The following FOCAD variants were observed in gnomAD, a reference collection of about 807,000 sequenced individuals.
The protein encoded by FOCAD is focadhesin.
A neutral mutation model predicts 225.6 loss-of-function variants in FOCAD; 198 were observed. The observed-to-expected ratio is 0.88, with a 90% CI of 0.78 to 0.99. FOCAD has a LOEUF of 0.99. FOCAD is among the 50% of genes least tolerant of loss of function. The probability of loss-of-function intolerance (pLI) is 0.00; values close to 1 mark genes in which losing one functional copy is unlikely to be tolerated. For synonymous variants in FOCAD, 897 were observed against 755.0 expected (o/e 1.19, Z -3.08); for missense variants, 2,713 against 2,123.6 (o/e 1.28, Z -5.46).
intron 2 of FOCAD, 55 bp from the exon 3 acceptor site, chr9:20,717,739 A>C (rs936880424): frequency 3.6e-6 from 5 of 1,371,510 alleles, no homozygotes; most frequent in African/African-American, 2.9e-5. Flanking sequence ...ACTAGTATTG[A>C]TATTTGGAAA....
At chr9:20,918,498 C>A (rs1045018882) in intron 24 of FOCAD, among the ~76,000 whole-genome samples, 5 of 151,960 alleles carry the variant, frequency 3.3e-5, no homozygotes, top group Non-Finnish European at 7.4e-5. Flanking sequence ...CTGAGGCGGG[C>A]GGATCACGAG....
intron 22 of FOCAD, 38 bp from the exon 23 acceptor site, chr9:20,912,828 T>C: frequency 6.5e-7 from 1 of 1,530,048 alleles, no homozygotes; most frequent in Non-Finnish European, 9.1e-7. Context: ...ACTTCAGCCA[T>C]CGAGTTCACA....
At chr9:20,944,076 C>G (rs1329641135) in intron 28 of FOCAD, among the ~76,000 whole-genome samples, 2 of 152,202 alleles carry the variant, frequency 1.3e-5, no homozygotes, top group Non-Finnish European at 2.9e-5. Flanking sequence ...TCATTGTGCA[C>G]AAACAGTTTC....
chr9:20,929,809 C>T (rs1835299094), intron 27 of FOCAD, among the ~76,000 whole-genome samples: 1 of 152,042 alleles, frequency 6.6e-6, no homozygotes, highest in East Asian at 1.9e-4. Flanking sequence ...TTAAGGGTTG[C>T]TAGTATTAAA....
intron 7 of FOCAD, among the ~76,000 whole-genome samples, chr9:20,766,494 A>G (rs1368971919): frequency 2.0e-5 from 3 of 151,826 alleles, no homozygotes; most frequent in East Asian, 1.9e-4. Context: ...CAAGGCAACC[A>G]TTTTTTTTAG....
At chr9:20,853,118 G>A (rs1032280542) in intron 15 of FOCAD, among the ~76,000 whole-genome samples, 6 of 151,836 alleles carry the variant, frequency 4.0e-5, no homozygotes, top group East Asian at 1.9e-4. Flanking sequence ...CCAAAAAATA[G>A]ATAACTCATA....
intron 15 of FOCAD, among the ~76,000 whole-genome samples, chr9:20,836,536 CT>C (rs1277739368): frequency 2.6e-5 from 4 of 152,018 alleles, no homozygotes; most frequent in Non-Finnish European, 5.9e-5. Flanking sequence ...GCCTTCAGTT[CT>C]TCCTGGGCAT....
rs772830056 is a variant in FOCAD, at chr9:20,949,658, A to T, written c.3931A>T (p.Ile1311Phe). The change falls in exon 33 of 44, where the codon ATT becomes TTT. Residue 1311 changes from isoleucine to phenylalanine, a missense_variant. Transcript: ENST00000338382. The part of the protein sequence containing the change: ...SHFQGRLNEV[I>F]RTLTQVISVS... ...TTTTCAAGGCAGACTTAATGAAGTC[A>T]TTAGAACCTTAACTCAGGTGAGAAA... The T allele has an allele frequency of 6.2e-7, 1 of 1,612,772 alleles. No homozygotes were observed. The highest frequency in any genetic ancestry group is 8.5e-7 in the Non-Finnish European group (1 of 1,179,142).
chr9:20,762,588 G>C (rs1829702474), intron 6 of FOCAD, among the ~76,000 whole-genome samples: 1 of 152,120 alleles, frequency 6.6e-6, no homozygotes, highest in South Asian at 2.1e-4. Flanking sequence ...TAATCTTAAT[G>C]GCATTTTGAA....
At chr9:20,835,492 C>T (rs1029940750) in intron 15 of FOCAD, among the ~76,000 whole-genome samples, 2 of 152,056 alleles carry the variant, frequency 1.3e-5, no homozygotes, top group African/African-American at 4.8e-5. Flanking sequence ...TGACTGATTT[C>T]TCAACCTGTG....
chr9:20,856,900 AT>A (rs1828240935), intron 15 of FOCAD, among the ~76,000 whole-genome samples: 1 of 151,930 alleles, frequency 6.6e-6, no homozygotes, highest in African/African-American at 2.4e-5. Flanking sequence ...TTCACTGCAG[AT>A]ATGTGGATTT....
chr9:20,969,275 G>A (rs1261280420), intron 35 of FOCAD, among the ~76,000 whole-genome samples: 5 of 152,078 alleles, frequency 3.3e-5, no homozygotes, highest in African/African-American at 9.7e-5. Context: ...AGCTATGCCA[G>A]CTAGGTCTCT....
chr9:20,796,078 T>C (rs1821067158), intron 11 of FOCAD, among the ~76,000 whole-genome samples: 1 of 151,926 alleles, frequency 6.6e-6, no homozygotes, highest in Non-Finnish European at 1.5e-5. Context: ...GGTTTTTTGT[T>C]CTTGCGATAG....
Position 20,789,895 on chromosome 9 carries a change from G to A in FOCAD, c.1455+287G>A, listed in dbSNP as rs571153121. Among the ~76,000 whole-genome samples the A allele has an allele frequency of 6.6e-5, 10 of 152,174 alleles. 1 individual carries two copies. The South Asian group carries it at 2.1e-3, about 32-fold the overall frequency. ...AATTTTTTGGTGGATTTGCTATTTTGTAATGCTTTTGCTAACTCTTGGAAC... is the reference window on the plus strand; with the variant it reads ...AATTTTTTGGTGGATTTGCTATTTTATAATGCTTTTGCTAACTCTTGGAAC... On this transcript the variant is annotated intron_variant, in intron 11 of 43. Coordinates refer to ENST00000338382, the MANE Select transcript of FOCAD (RefSeq NM_001375567.1).
Position 20,795,584 on chromosome 9 carries a change from G to A in FOCAD, c.1455+5976G>A, listed in dbSNP as rs571856569. ...GCGGATCACGAGGTCAGGAGATTGAGACCATCCTGGCTACACGGTGAAACC... is the reference window on the plus strand; with the variant it reads ...GCGGATCACGAGGTCAGGAGATTGAAACCATCCTGGCTACACGGTGAAACC... On this transcript the variant is annotated intron_variant, in intron 11 of 43. Transcript: ENST00000338382. Among the ~76,000 whole-genome samples the A allele has an allele frequency of 3.0e-4, 46 of 152,008 alleles. No homozygotes were observed. The South Asian group carries it at 9.0e-3, about 30-fold the overall frequency.
chr9:20,666,767 G>A (rs2131268960), intron 2 of FOCAD, among the ~76,000 whole-genome samples: 1 of 152,256 alleles, frequency 6.6e-6, no homozygotes. Flanking sequence ...CAACAATACT[G>A]ATGTTGGAGG....
intron 5 of FOCAD, among the ~76,000 whole-genome samples, chr9:20,752,714 C>A (rs201026425): frequency 3.3e-5 from 5 of 152,214 alleles, no homozygotes; most frequent in South Asian, 4.2e-4. Flanking sequence ...TGGTAGCTTG[C>A]TGGGGATGGC....
intron 8 of FOCAD, among the ~76,000 whole-genome samples, chr9:20,770,453 G>A (rs1454492375): frequency 6.6e-6 from 1 of 152,152 alleles, no homozygotes; most frequent in Non-Finnish European, 1.5e-5. Context: ...CATGGCTGGT[G>A]TAGGAGTGAG....
chr9:20,990,463 C>A, intron 42 of FOCAD, 89 bp downstream of exon 42: 1 of 1,439,190 alleles, frequency 6.9e-7, no homozygotes, highest in South Asian at 1.3e-5. Context: ...GAGTTAAGTG[C>A]GTCTTGAATC....
Sources: allele counts gnomAD v4.1 joint callset (sites outside exome capture counted in the v4.1 genomes callset), GRCh38; gene constraint gnomAD v4.1.1; transcripts MANE v1.5; gene names NCBI Gene and HGNC (gene_info 2026-07-23, HGNC 2026-07-21).